Variants in TENM2 observed in about 807,000 individuals in gnomAD.
TENM2 encodes teneurin-2.
A neutral mutation model predicts 245.2 loss-of-function variants in TENM2; 52 were observed. The observed-to-expected ratio is 0.21, with a 90% CI of 0.17 to 0.27. The LOEUF is 0.27. Among genes scored for constraint, TENM2 ranks in the 10% least tolerant of loss-of-function variants. TENM2 has a pLI of 1.00. For missense variants in TENM2, 3,046 were observed against 3,666.8 expected (o/e 0.83, Z 4.37); for synonymous variants, 1,363 against 1,438.9 (o/e 0.95, Z 1.19).
the TENM2 span, among the ~76,000 whole-genome samples, chr5:167,098,055 T>C: frequency 1.3e-5 from 2 of 152,234 alleles, no homozygotes; most frequent in African/African-American, 4.8e-5. Flanking sequence ...CGTGCATTTC[T>C]ATACCAAGCA....
intron 1 of TENM2, among the ~76,000 whole-genome samples, chr5:167,333,733 C>A (rs921528279): frequency 6.6e-6 from 1 of 152,126 alleles, no homozygotes; most frequent in African/African-American, 2.4e-5. Context: ...ATCAACATGA[C>A]AGGGAAGGTA....
chr5:168,040,354 T>C (rs558800807), intron 5 of TENM2, among the ~76,000 whole-genome samples: 1 of 152,310 alleles, frequency 6.6e-6, no homozygotes, highest in African/African-American at 2.4e-5. Flanking sequence ...CTCTCATCTT[T>C]CCTCTTCTTT....
intron 2 of TENM2, among the ~76,000 whole-genome samples, chr5:167,862,817 G>A (rs1371045811): frequency 6.6e-6 from 1 of 152,156 alleles, no homozygotes; most frequent in Non-Finnish European, 1.5e-5. Context: ...AACCTCACAT[G>A]GAATCTCGAC....
chr5:168,093,022 T>TA (rs1215164683), intron 8 of TENM2, among the ~76,000 whole-genome samples: 1 of 152,184 alleles, frequency 6.6e-6, no homozygotes, highest in Non-Finnish European at 1.5e-5. Flanking sequence ...TAAATGCAGT[T>TA]AAAAAACTTG....
At chr5:168,123,136 A>AG (rs1795590777) in intron 10 of TENM2, among the ~76,000 whole-genome samples, 1 of 32,882 alleles carries the variant, frequency 3.0e-5, no homozygotes, top group Non-Finnish European at 6.9e-5. Context: ...ATTTCTAGAG[A>AG]AAAAAAAAAA....
At chr5:167,158,628 C>G in the TENM2 span, among the ~76,000 whole-genome samples, 1 of 152,136 alleles carries the variant, frequency 6.6e-6, no homozygotes, top group Non-Finnish European at 1.5e-5. Context: ...GCCATCTTCT[C>G]CTTATATCTT....
At chr5:167,793,948 T>C (rs181853954) in intron 2 of TENM2, among the ~76,000 whole-genome samples, 11 of 152,010 alleles carry the variant, frequency 7.2e-5, no homozygotes, top group Admixed American at 2.6e-4. Context: ...CACTTCTGTA[T>C]GCACCTTTCT....
At chr5:167,144,880 A>G in the TENM2 span, among the ~76,000 whole-genome samples, 1 of 152,226 alleles carries the variant, frequency 6.6e-6, no homozygotes, top group Non-Finnish European at 1.5e-5. Context: ...GGTTACAAGT[A>G]CAAGATGAGT....
At chr5:167,370,551 A>C (rs577615737) in intron 1 of TENM2, among the ~76,000 whole-genome samples, 1 of 152,324 alleles carries the variant, frequency 6.6e-6, no homozygotes, top group African/African-American at 2.4e-5. Context: ...TGCTTTATGT[A>C]AATATTATAG....
chr5:167,043,110 A>G, the TENM2 span, among the ~76,000 whole-genome samples: 1 of 152,300 alleles, frequency 6.6e-6, no homozygotes, highest in Middle Eastern at 3.4e-3. Context: ...TATTTTTTAG[A>G]TAATTGAAGT....
intron 2 of TENM2, among the ~76,000 whole-genome samples, chr5:167,802,330 A>C (rs1342857815): frequency 6.6e-6 from 1 of 151,896 alleles, no homozygotes; most frequent in African/African-American, 2.4e-5. Flanking sequence ...AACTAATCAT[A>C]TTTTCTTCCC....
intron 12 of TENM2, among the ~76,000 whole-genome samples, chr5:168,158,674 G>C (rs1423943614): frequency 6.6e-6 from 1 of 150,702 alleles, no homozygotes; most frequent in African/African-American, 2.4e-5. Context: ...TCTCCAGACT[G>C]GGCACGGTGG....
intron 2 of TENM2, among the ~76,000 whole-genome samples, chr5:167,493,947 T>C (rs1254229055): frequency 6.6e-6 from 1 of 152,102 alleles, no homozygotes; most frequent in Non-Finnish European, 1.5e-5. Context: ...GCTAAGGGGA[T>C]GATATGATCG....
At chr5:167,584,090 C>T (rs1464762454) in intron 2 of TENM2, among the ~76,000 whole-genome samples, 1 of 152,198 alleles carries the variant, frequency 6.6e-6, no homozygotes, top group East Asian at 1.9e-4. Context: ...GTTCATAGTC[C>T]ACCTGTTACT....
the TENM2 span, among the ~76,000 whole-genome samples, chr5:167,129,309 T>C: frequency 6.6e-6 from 1 of 152,144 alleles, no homozygotes; most frequent in African/African-American, 2.4e-5. Context: ...CTCCTTTCCA[T>C]GGGCCTTTTC....
chr5:167,057,192 C>T, the TENM2 span, among the ~76,000 whole-genome samples: 1 of 151,914 alleles, frequency 6.6e-6, no homozygotes, highest in African/African-American at 2.4e-5. Context: ...TAATTTTTTT[C>T]CTGAAATTTG....
intron 3 of TENM2, among the ~76,000 whole-genome samples, chr5:167,940,651 G>A (rs1779104185): frequency 6.6e-6 from 1 of 152,164 alleles, no homozygotes; most frequent in African/African-American, 2.4e-5. Context: ...GGCCAGTAAG[G>A]ATCCAGATCA....
At chr5:168,184,822 C>G (rs1334471927) in intron 13 of TENM2, among the ~76,000 whole-genome samples, 1 of 152,180 alleles carries the variant, frequency 6.6e-6, no homozygotes, top group Non-Finnish European at 1.5e-5. Context: ...AATCTCTTTA[C>G]TAGTTAGGAG....
chr5:167,427,886 AGGAAGGAC>A (rs1763966478), intron 2 of TENM2, among the ~76,000 whole-genome samples: 2 of 138,608 alleles, frequency 1.4e-5, no homozygotes, highest in Non-Finnish European at 3.1e-5. Context: ...AAGGGAAGGA[AGGAAGGAC>A]GGAAAGGAAG....
Sources: allele counts gnomAD v4.1 joint callset (sites outside exome capture counted in the v4.1 genomes callset), GRCh38; gene constraint gnomAD v4.1.1; transcripts MANE v1.5; gene names NCBI Gene and HGNC (gene_info 2026-07-23, HGNC 2026-07-21).